Variants in CYFIP1 observed in about 807,000 individuals in gnomAD.
CYFIP1 encodes cytoplasmic FMR1-interacting protein 1.
Under a neutral mutation model 163.5 loss-of-function variants are expected in CYFIP1, and 58 were observed. That is an observed-to-expected ratio of 0.35 (90% CI 0.29 to 0.44). The LOEUF (loss-of-function observed/expected upper bound fraction) is 0.44, where lower values mean the gene tolerates loss of function less well. CYFIP1 is among the 20% of genes least tolerant of loss of function. The pLI is 1.00. For synonymous variants in CYFIP1, 663 were observed against 660.7 expected (o/e 1.00, Z -0.05); for missense variants, 1,338 against 1,653.8 (o/e 0.81, Z 3.31).
At chr15:22,928,578 C>A (rs1311312784) in intron 11 of CYFIP1, among the ~76,000 whole-genome samples, 2 of 152,146 alleles carry the variant, frequency 1.3e-5, no homozygotes, top group African/African-American at 4.8e-5. Context: ...GGGGCTGTTA[C>A]ACGCGTGGGC....
At position 22,867,478 on chromosome 15, in the gene CYFIP1, C is replaced by G. The variant is rs1566888140; in HGVS notation, c.*2550G>C. On this transcript the variant is annotated 3_prime_UTR_variant, in exon 31 of 31. Transcript: ENST00000617928. Reference sequence around the variant, plus strand: ...CCGGCTTCCTCTGAGCATTCGATGGCCTTAGCACCTCATCAAGCCAGCACA... The same window carrying G: ...CCGGCTTCCTCTGAGCATTCGATGGGCTTAGCACCTCATCAAGCCAGCACA... 1 of 318,294 alleles carries G rather than the reference C, an allele frequency of 3.1e-6. No homozygotes were observed. Among genetic ancestry groups the G allele is most frequent in the Non-Finnish European group, 5.6e-6 (1 of 177,032 alleles). The allele number at this position is 318,294 out of a possible 1,614,324, so 19.7% of individuals were successfully genotyped here.
At chr15:22,959,585 G>A (rs1193634268) in intron 1 of CYFIP1, among the ~76,000 whole-genome samples, 1 of 152,206 alleles carries the variant, frequency 6.6e-6, no homozygotes, top group Non-Finnish European at 1.5e-5. Context: ...GACCTCGGGC[G>A]CTTGACAAAG....
intron 6 of CYFIP1, among the ~76,000 whole-genome samples, chr15:22,942,465 G>A (rs960031879): frequency 1.3e-5 from 2 of 152,014 alleles, no homozygotes; most frequent in African/African-American, 2.4e-5. Flanking sequence ...GGTCGGCAGC[G>A]TGCCAAGTGT....
chr15:22,952,027 T>C (rs1250352505), intron 1 of CYFIP1, among the ~76,000 whole-genome samples: 1 of 152,160 alleles, frequency 6.6e-6, no homozygotes, highest in Non-Finnish European at 1.5e-5. Flanking sequence ...AAAATAACAG[T>C]ATTTATGTGG....
At position 22,926,116 on chromosome 15, in the gene CYFIP1, G is replaced by T. The variant is rs1258497084; in HGVS notation, c.1234-9C>A. 3.1e-6 allele frequency: 5 copies of T among 1,613,956 alleles called. No homozygotes were observed. The African/African-American group carries it at 6.7e-5, about 22-fold the overall frequency. On this transcript the variant is annotated splice_polypyrimidine_tract_variant and intron_variant, in intron 12 of 30. Coordinates refer to ENST00000617928, the MANE Select transcript of CYFIP1 (RefSeq NM_014608.6). ...ACAAGCTTCCAGGAATACTGTGGTGGCCGAAAGAGCAGAGGTGTTCCATAT... is the reference window on the plus strand; with the variant it reads ...ACAAGCTTCCAGGAATACTGTGGTGTCCGAAAGAGCAGAGGTGTTCCATAT...
chr15:22,911,122 C>T (rs1189467173), intron 18 of CYFIP1, among the ~76,000 whole-genome samples: 2 of 151,746 alleles, frequency 1.3e-5, no homozygotes, highest in Non-Finnish European at 2.9e-5. Flanking sequence ...ACAAGAATCG[C>T]TTGAACTCAC....
In CYFIP1 at chr15:22,911,121, G is replaced by A. The variant is rs528048232; in HGVS notation, c.2083-308C>T. 1.5e-4 allele frequency among the ~76,000 whole-genome samples: 23 copies of A among 151,984 alleles called. No homozygotes were observed. In the South Asian group the frequency reaches 4.4e-3, roughly 29 times the overall value. Reference sequence around the variant, plus strand: ...ACTCGGGAGGCTAAGCACAAGAATCGCTTGAACTCACACCACTGCACTCCA... The same window carrying A: ...ACTCGGGAGGCTAAGCACAAGAATCACTTGAACTCACACCACTGCACTCCA... On this transcript the variant is annotated intron_variant, in intron 18 of 30. Coordinates refer to ENST00000617928, the MANE Select transcript of CYFIP1 (RefSeq NM_014608.6).
intron 8 of CYFIP1, among the ~76,000 whole-genome samples, chr15:22,937,710 T>TGC (rs2061760255): frequency 6.6e-6 from 1 of 151,162 alleles, no homozygotes; most frequent in Non-Finnish European, 1.5e-5. Flanking sequence ...GCGATTCTCC[T>TGC]GCCTCAGCCT....
chr15:22,885,148 C>G (rs1472404428), intron 23 of CYFIP1, among the ~76,000 whole-genome samples: 1 of 152,224 alleles, frequency 6.6e-6, no homozygotes, highest in Non-Finnish European at 1.5e-5. Context: ...CTGCAGCCAG[C>G]TTGAATTCCT....
At chr15:22,870,993 CA>C (rs11312054) in intron 30 of CYFIP1, among the ~76,000 whole-genome samples, 3,648 of 152,282 alleles carry the variant, frequency 0.024, 149 homozygotes, top group African/African-American at 0.082. Context: ...AGGGCCTCCT[CA>C]GGGGCAGATG....
chr15:22,921,456 CAA>C (rs2061174163), intron 13 of CYFIP1, among the ~76,000 whole-genome samples: 1 of 151,446 alleles, frequency 6.6e-6, no homozygotes. Flanking sequence ...TCAACAAAGA[CAA>C]AGCTGTTCAG....
intron 17 of CYFIP1, among the ~76,000 whole-genome samples, chr15:22,914,384 G>A (rs1019262251): frequency 6.6e-6 from 1 of 151,608 alleles, no homozygotes; most frequent in Admixed American, 6.6e-5. Flanking sequence ...TTAGTTACTT[G>A]TATTAATCTC....
In CYFIP1 at chr15:22,930,198, CAA is replaced by C. The variant is rs149609064; in HGVS notation, c.1110+2023_1110+2024del. On this transcript the variant is annotated intron_variant, in intron 11 of 30. Coordinates refer to ENST00000617928, the MANE Select transcript of CYFIP1 (RefSeq NM_014608.6). Reference sequence around the variant, plus strand: ...ACAGTGTCTCTACTAAAAAAACACACAAAAAACACACACAAAAAAAAACACAA... The same window carrying C: ...ACAGTGTCTCTACTAAAAAAACACACAAAACACACACAAAAAAAAACACAA... Among the ~76,000 whole-genome samples the C allele has an allele frequency of 2.2e-3, 297 of 135,398 alleles. 4 individuals are homozygous for C. The highest frequency in any genetic ancestry group is 8.3e-3 in the Middle Eastern group (2 of 242). The allele number at this position is 135,398 out of a possible 152,430, so 88.8% of individuals were successfully genotyped here.
At chr15:22,979,991 G>C (rs1376800752) in intron 1 of CYFIP1, among the ~76,000 whole-genome samples, 2 of 152,058 alleles carry the variant, frequency 1.3e-5, no homozygotes, top group Non-Finnish European at 2.9e-5. Context: ...TGAACGCGGG[G>C]GCGGGGAGCT....
chr15:22,969,845 A>G (rs1485741790), intron 1 of CYFIP1, among the ~76,000 whole-genome samples: 2 of 152,210 alleles, frequency 1.3e-5, no homozygotes, highest in Non-Finnish European at 2.9e-5. Context: ...ACCAAAAGAG[A>G]GGGAAGTGGC....
intron 21 of CYFIP1, among the ~76,000 whole-genome samples, chr15:22,907,174 CCTA>C (rs1178858841): frequency 1.3e-5 from 2 of 152,208 alleles, no homozygotes; most frequent in African/African-American, 4.8e-5. Flanking sequence ...GTCAGCAGGG[CCTA>C]CTGTTTTAGC....
At chr15:22,943,481 C>T (rs143471443) in intron 5 of CYFIP1, 127 bp from the exon 6 acceptor site, 135 of 1,057,346 alleles carry the variant, frequency 1.3e-4, no homozygotes, top group African/African-American at 1.2e-3. Flanking sequence ...GGCTCCAGGC[C>T]GAAGTGTTTA....
chr15:22,883,642 C>T (rs950884594), intron 23 of CYFIP1, among the ~76,000 whole-genome samples: 7 of 151,878 alleles, frequency 4.6e-5, no homozygotes, highest in African/African-American at 1.7e-4. Flanking sequence ...ACGGTGAAAC[C>T]CCGTCTCTAC....
Position 22,917,505 on chromosome 15 carries a change from A to G in CYFIP1, c.1674+283T>C. On this transcript the variant is annotated intron_variant, in intron 15 of 30. Coordinates refer to ENST00000617928, the MANE Select transcript of CYFIP1 (RefSeq NM_014608.6). The surrounding 1 kb of genome is among the most constrained non-coding windows in gnomAD (Gnocchi z 4.2). ...CCATCAAGAAACACAGAATGAATAC[A>G]GACACGTGGACTTGTGCCCACATTT... 1 of 546,420 alleles carries G rather than the reference A, an allele frequency of 1.8e-6. No individual in the cohort carries two copies. Among genetic ancestry groups the G allele is most frequent in the South Asian group, 2.8e-5 (1 of 35,234 alleles). The allele number at this position is 546,420 out of a possible 1,614,324, so 33.8% of individuals were successfully genotyped here.
Sources: allele counts gnomAD v4.1 joint callset (sites outside exome capture counted in the v4.1 genomes callset), GRCh38; gene constraint gnomAD v4.1.1; non-coding constraint Gnocchi (gnomAD v3.1); transcripts MANE v1.5; gene names NCBI Gene and HGNC (gene_info 2026-07-23, HGNC 2026-07-21).